The following TECPR1 variants were observed in gnomAD, a reference collection of about 807,000 sequenced individuals.
The protein encoded by TECPR1 is tectonin beta-propeller repeat containing 1.
A neutral mutation model predicts 162.4 loss-of-function variants in TECPR1; 122 were observed. The observed-to-expected ratio is 0.75, with a 90% CI of 0.65 to 0.87. The LOEUF (loss-of-function observed/expected upper bound fraction) is 0.87, where lower values mean the gene tolerates loss of function less well. Among genes scored for constraint, TECPR1 ranks in the 40% least tolerant of loss-of-function variants. The pLI, the probability that TECPR1 is intolerant of heterozygous loss-of-function variation, is 0.00. For missense variants in TECPR1, 1,432 were observed against 1,618.2 expected, an observed-to-expected ratio of 0.88 and a Z score of 1.97; for synonymous variants, 642 against 670.6, an observed-to-expected ratio of 0.96 and a Z score of 0.66.
At chr7:98,233,055 A>G in intron 11 of TECPR1, 83 bp from the exon 12 acceptor site, 1 of 1,449,078 alleles carries the variant, frequency 6.9e-7, no homozygotes, top group Middle Eastern at 2.4e-4. Flanking sequence ...CCTCCACCAA[A>G]TCAGCCCTTT....
At chr7:98,234,556 G>A (rs1171921421) in intron 10 of TECPR1, among the ~76,000 whole-genome samples, 1 of 152,174 alleles carries the variant, frequency 6.6e-6, no homozygotes, top group Non-Finnish European at 1.5e-5. Flanking sequence ...ACACCCAGCA[G>A]TGGATGTGCT....
At position 98,221,666 on chromosome 7, in the gene TECPR1, T is replaced by C. The variant is rs745865131; in HGVS notation, c.3152A>G (p.Glu1051Gly). The change falls in exon 23 of 26, where the codon GAG becomes GGG. Residue 1051 changes from glutamate to glycine, a missense_variant. Transcript: ENST00000447648. ...TTAAAAAAAGAGCAACTTGCCATTC[T>C]CATCCAGGGCATACACCGACGTCTG... ...AGQTSVYALD[E>G]NGNLWYRQGI... 2 of 1,613,056 alleles carry C rather than the reference T, an allele frequency of 1.2e-6. No individual in the cohort carries two copies. The highest frequency in any genetic ancestry group is 1.7e-6 in the Non-Finnish European group (2 of 1,179,726).
At chr7:98,231,991 A>T in intron 12 of TECPR1, 32 bp from the exon 13 acceptor site, 1 of 1,572,282 alleles carries the variant, frequency 6.4e-7, no homozygotes, top group Non-Finnish European at 8.6e-7. Context: ...ACACCATCAC[A>T]GGCAGGCCCG....
chr7:98,218,967 C>G (rs925707128), intron 23 of TECPR1, among the ~76,000 whole-genome samples: 1 of 152,174 alleles, frequency 6.6e-6, no homozygotes, highest in African/African-American at 2.4e-5. Context: ...CTGGAGGCAT[C>G]ACATTACTGG....
chr7:98,217,054 C>T lies in TECPR1; in HGVS notation c.*336G>A, dbSNP rs571388120. 32 of 238,384 alleles carry T rather than the reference C, an allele frequency of 1.3e-4. No individual in the cohort carries two copies. The highest frequency in any genetic ancestry group is 1.3e-3 in the Middle Eastern group (1 of 776). The allele number at this position is 238,384 out of a possible 1,614,324, so 14.8% of individuals were successfully genotyped here. On this transcript the variant is annotated 3_prime_UTR_variant, in exon 26 of 26. Transcript: ENST00000447648. Reference sequence around the variant, plus strand: ...TCTGCTGCCCCAGGGCCGGCGTTCCCGGAGGGCTCCAGGTTCCCGGTTCTA... The same window carrying T: ...TCTGCTGCCCCAGGGCCGGCGTTCCTGGAGGGCTCCAGGTTCCCGGTTCTA...
intron 16 of TECPR1, 34 bp downstream of exon 16, chr7:98,229,005 G>C (rs1484848017): frequency 6.3e-7 from 1 of 1,589,654 alleles, no homozygotes; most frequent in East Asian, 2.3e-5. Context: ...AGAACGCCCA[G>C]GAAGGCTCCG....
chr7:98,242,322 C>T (rs1798772004), intron 6 of TECPR1, among the ~76,000 whole-genome samples: 1 of 152,124 alleles, frequency 6.6e-6, no homozygotes, highest in South Asian at 2.1e-4. Context: ...CCTCTGCTGC[C>T]CTCAGGGGCT....
At chr7:98,234,311 C>G (rs138098600) in intron 10 of TECPR1, among the ~76,000 whole-genome samples, 1 of 152,176 alleles carries the variant, frequency 6.6e-6, no homozygotes, top group Non-Finnish European at 1.5e-5. Flanking sequence ...TGCACCACCA[C>G]GCCTGGCTAA....
chr7:98,222,892 C>T lies in TECPR1; in HGVS notation c.2928+98G>A, dbSNP rs1378395820. ...CCACTCGGACCACAGGCAGTGTCCACTGGTCCTAGGGGCTTGTCCTGAGCA... is the reference window on the plus strand; with the variant it reads ...CCACTCGGACCACAGGCAGTGTCCATTGGTCCTAGGGGCTTGTCCTGAGCA... On this transcript the variant is annotated intron_variant, in intron 21 of 25. Coordinates refer to ENST00000447648, the MANE Select transcript of TECPR1 (RefSeq NM_015395.3). The T allele has an allele frequency of 1.6e-5, 24 of 1,478,994 alleles. No homozygotes were observed. In the East Asian group the frequency reaches 5.3e-4, roughly 33 times the overall value. The allele number at this position is 1,478,994 out of a possible 1,614,324, so 91.6% of individuals were successfully genotyped here.
In TECPR1 at chr7:98,239,678, G is replaced by C. The variant is rs192465362; in HGVS notation, c.934-1068C>G. Reference sequence around the variant, plus strand: ...AAGTGGGGTGACCAGGATCCAATGTGGGGGACAGTCTGGTCTGTATTTTTG... The same window carrying C: ...AAGTGGGGTGACCAGGATCCAATGTCGGGGACAGTCTGGTCTGTATTTTTG... On this transcript the variant is annotated intron_variant, in intron 8 of 25. Coordinates refer to ENST00000447648, the MANE Select transcript of TECPR1 (RefSeq NM_015395.3). 7.0e-4 allele frequency among the ~76,000 whole-genome samples: 107 copies of C among 152,322 alleles called. 1 individual carries two copies. Among genetic ancestry groups the C allele is most frequent in the African/African-American group, 2.5e-3 (104 of 41,580 alleles).
chr7:98,233,501 T>G lies in TECPR1; in HGVS notation c.1592A>C (p.His531Pro). The change falls in exon 11 of 26, where the codon CAC becomes CCC. Residue 531 changes from histidine to proline, a missense_variant. Physicochemically the swap from His to Pro is moderately conservative, Grantham distance 77 (BLOSUM62 -2). Transcript: ENST00000447648. ...GLEEPYGVDD[H>P]PLWAWVSGGG... ...TCCCGACACCCAGGCCCACAGCGGG[T>G]GGTCATCCACCCCATACGGCTCCTC... The G allele has an allele frequency of 6.6e-7, 1 of 1,515,008 alleles. No individual in the cohort carries two copies. Among genetic ancestry groups the G allele is most frequent in the Non-Finnish European group, 8.8e-7 (1 of 1,134,142 alleles). 93.8% of individuals were successfully genotyped at this position (1,515,008 alleles called of 1,614,324 possible). A position where few individuals can be genotyped will look rare whatever the true frequency, so the allele number is the denominator to read the frequency against.
chr7:98,220,359 A>T (rs1798111527), intron 23 of TECPR1, among the ~76,000 whole-genome samples: 1 of 152,234 alleles, frequency 6.6e-6, no homozygotes, highest in African/African-American at 2.4e-5. Flanking sequence ...ACAAAAAAAA[A>T]ATTTTTTAAC....
intron 15 of TECPR1, among the ~76,000 whole-genome samples, chr7:98,229,641 G>A (rs1267958788): frequency 1.3e-5 from 2 of 148,524 alleles, no homozygotes; most frequent in African/African-American, 4.9e-5. Flanking sequence ...AGCGGGAGGC[G>A]GTGCCAGCAC....
intron 13 of TECPR1, 191 bp downstream of exon 13, chr7:98,231,613 T>C (rs1798442004): frequency 4.4e-5 from 20 of 453,234 alleles, no homozygotes; most frequent in South Asian, 4.2e-4. Flanking sequence ...GGCACCCCCA[T>C]TTCTGTACCC....
In TECPR1 at chr7:98,217,038, C is replaced by G. The variant is rs1305796480; in HGVS notation, c.*352G>C. ...AGGGCTCCATCCTGGCTCTGCTGCC[C>G]CAGGGCCGGCGTTCCCGGAGGGCTC... On this transcript the variant is annotated 3_prime_UTR_variant, in exon 26 of 26. Transcript: ENST00000447648. The G allele has an allele frequency of 8.8e-6, 2 of 228,372 alleles. No homozygotes were observed. The highest frequency in any genetic ancestry group is 2.0e-4 in the East Asian group (2 of 10,166). 14.1% of individuals were successfully genotyped at this position (228,372 alleles called of 1,614,324 possible). A position where few individuals can be genotyped will look rare whatever the true frequency, so the allele number is the denominator to read the frequency against.
At position 98,245,908 on chromosome 7, in the gene TECPR1, A is replaced by T. The variant is rs1235581156; in HGVS notation, c.225+14T>A. On this transcript the variant is annotated intron_variant, in intron 3 of 25. Coordinates refer to ENST00000447648, the MANE Select transcript of TECPR1 (RefSeq NM_015395.3). ...ACTGACCCGCTCGGCAACTCCAACC[A>T]TGAGGGTCACTACCTGATTCTCATA... 6.3e-7 allele frequency: 1 copy of T among 1,583,464 alleles called. No individual in the cohort carries two copies. Among genetic ancestry groups the T allele is most frequent in the Admixed American group, 1.8e-5 (1 of 55,566 alleles).
In TECPR1 at chr7:98,217,677, G is replaced by C; in HGVS notation, c.3384+15C>G. 6.5e-7 allele frequency: 1 copy of C among 1,532,222 alleles called. No individual in the cohort carries two copies. Among genetic ancestry groups the C allele is most frequent in the Non-Finnish European group, 8.8e-7 (1 of 1,136,762 alleles). The allele number at this position is 1,532,222 out of a possible 1,614,324, so 94.9% of individuals were successfully genotyped here. Reference sequence around the variant, plus strand: ...CAAGGTGATAACACAGCCCAAGGCCGCGGGCCCCGCTCACCCCGATGCCGT... The same window carrying C: ...CAAGGTGATAACACAGCCCAAGGCCCCGGGCCCCGCTCACCCCGATGCCGT... On this transcript the variant is annotated intron_variant, in intron 25 of 25. Transcript: ENST00000447648.
At position 98,233,479 on chromosome 7, in the gene TECPR1, C is replaced by T. The variant is rs767339273; in HGVS notation, c.1614G>A (p.Ser538=). 37 of 1,487,858 alleles carry T rather than the reference C, an allele frequency of 2.5e-5. No individual in the cohort carries two copies. The highest frequency in any genetic ancestry group is 7.8e-5 in the Admixed American group (3 of 38,694). The allele number at this position is 1,487,858 out of a possible 1,614,324, so 92.2% of individuals were successfully genotyped here. A position where few individuals can be genotyped will look rare whatever the true frequency, so the allele number is the denominator to read the frequency against. Residue 538 remains serine (S), a synonymous_variant, in exon 11 of 26, where the codon TCG becomes TCA. Coordinates refer to ENST00000447648, the MANE Select transcript of TECPR1 (RefSeq NM_015395.3). ...VDDHPLWAWV[S]GGGCVVEACA... is the part of the protein sequence containing the mutation. Reference sequence around the variant, plus strand: ...ATGCCTCCACCACGCAGCCGCCTCCCGACACCCAGGCCCACAGCGGGTGGT... The same window carrying T: ...ATGCCTCCACCACGCAGCCGCCTCCTGACACCCAGGCCCACAGCGGGTGGT...
At position 98,240,948 on chromosome 7, in the gene TECPR1, C is replaced by T; in HGVS notation, c.836G>A (p.Ser279Asn). 1 of 1,605,246 alleles carries T rather than the reference C, an allele frequency of 6.2e-7. No individual in the cohort carries two copies. Among genetic ancestry groups the T allele is most frequent in the South Asian group, 1.1e-5 (1 of 89,064 alleles). ...EGINRSNPKG[S>N]SWSIVEPPGS... is the part of the protein sequence containing the mutation. Reference sequence around the variant, plus strand: ...AGGAGGCTCCACGATGGACCAGGAACTTCCTACCGGGCCCCCAAGAAACCC... The same window carrying T: ...AGGAGGCTCCACGATGGACCAGGAATTTCCTACCGGGCCCCCAAGAAACCC... Residue 279 changes from serine to asparagine, a missense_variant, in exon 8 of 26, where the codon AGT becomes AAT. By Grantham distance (46) the Ser-to-Asn change is conservative (BLOSUM62 1). Coordinates refer to ENST00000447648, the MANE Select transcript of TECPR1 (RefSeq NM_015395.3).
Sources: gnomAD v4.1 joint callset for allele counts (sites outside exome capture counted in the v4.1 genomes callset) on GRCh38, gnomAD v4.1.1 for gene constraint, MANE v1.5 for transcripts, NCBI Gene and HGNC (gene_info 2026-07-23, HGNC 2026-07-21) for gene names.